TMTC2: variants seen among roughly 807,000 people sequenced by gnomAD.
TMTC2 encodes the protein protein O-mannosyl-transferase TMTC2.
TMTC2 carries 43 observed loss-of-function variants against 82.4 expected under a neutral mutation model. The observed-to-expected ratio is 0.52, with a 90% CI of 0.41 to 0.67. The LOEUF (loss-of-function observed/expected upper bound fraction) is 0.67. Ranked by LOEUF, TMTC2 falls within the 30% of genes least tolerant of loss-of-function variation. The pLI, the probability that TMTC2 is intolerant of heterozygous loss-of-function variation, is 0.00. For synonymous variants in TMTC2, 408 were observed against 381.9 expected, an observed-to-expected ratio of 1.07 and a Z score of -0.80; for missense variants, 919 against 1,012.4, an observed-to-expected ratio of 0.91 and a Z score of 1.25.
intron 11 of TMTC2, among the ~76,000 whole-genome samples, chr12:83,088,469 T>C (rs2137515246): frequency 6.6e-6 from 1 of 152,328 alleles, no homozygotes; most frequent in Non-Finnish European, 1.5e-5. Flanking sequence ...AGCCTAATTA[T>C]TTCCAGCTTT....
intron 1 of TMTC2, among the ~76,000 whole-genome samples, chr12:82,819,497 CTTTTTTTTTT>C (rs766912583): frequency 8.5e-6 from 1 of 118,284 alleles, no homozygotes; most frequent in African/African-American, 3.5e-5. Context: ...TTCTCTCTTT[CTTTTTTTTTT>C]TTTTTTTTTT....
chr12:83,003,815 C>T lies in TMTC2; in HGVS notation c.2070+17769C>T, dbSNP rs376186973. Among the ~76,000 whole-genome samples the T allele has an allele frequency of 2.0e-5, 3 of 151,950 alleles. No individual in the cohort carries two copies. In the East Asian group the frequency reaches 5.8e-4, roughly 29 times the overall value. ...TTTAAGATATTTTCTTTTTCATTGA[C>T]CTTGTAGAACCTGATGACTGTGTCT... is the stretch of plus-strand genomic sequence containing the variant. On this transcript the variant is annotated intron_variant, in intron 8 of 11. Coordinates refer to ENST00000321196, the MANE Select transcript of TMTC2 (RefSeq NM_152588.3).
At chr12:83,091,426 G>A (rs1241583582) in intron 11 of TMTC2, among the ~76,000 whole-genome samples, 1 of 152,030 alleles carries the variant, frequency 6.6e-6, no homozygotes, top group Non-Finnish European at 1.5e-5. Flanking sequence ...CCAAAATTAT[G>A]ATTGGGGAGT....
At chr12:83,006,192 G>A (rs937992029) in intron 8 of TMTC2, among the ~76,000 whole-genome samples, 5 of 152,174 alleles carry the variant, frequency 3.3e-5, no homozygotes, top group East Asian at 1.9e-4. Flanking sequence ...CCTGTAGGTC[G>A]GCCATCCCAT....
chr12:82,820,149 C>T (rs540603229), intron 1 of TMTC2, among the ~76,000 whole-genome samples: 6 of 152,192 alleles, frequency 3.9e-5, no homozygotes, highest in African/African-American at 1.4e-4. Flanking sequence ...TGTTCTTCTG[C>T]CTGCTTTTAT....
At chr12:82,835,377 C>T (rs764313063) in intron 1 of TMTC2, among the ~76,000 whole-genome samples, 1 of 152,168 alleles carries the variant, frequency 6.6e-6, no homozygotes, top group South Asian at 2.1e-4. Context: ...CTCACTGACT[C>T]ATTGACTCTT....
At chr12:83,100,938 T>A (rs1411873992) in intron 11 of TMTC2, among the ~76,000 whole-genome samples, 1 of 152,188 alleles carries the variant, frequency 6.6e-6, no homozygotes, top group Non-Finnish European at 1.5e-5. Context: ...ACACATTTAT[T>A]TATTATTGGG....
intron 6 of TMTC2, 68 bp downstream of exon 6, chr12:82,965,812 C>A (rs765158374): frequency 6.4e-7 from 1 of 1,568,158 alleles, no homozygotes; most frequent in Non-Finnish European, 8.7e-7. Flanking sequence ...GGTTTGTAAC[C>A]TACAGCCTCC....
chr12:83,104,999 C>T (rs1480527727), intron 11 of TMTC2, among the ~76,000 whole-genome samples: 1 of 152,152 alleles, frequency 6.6e-6, no homozygotes, highest in Non-Finnish European at 1.5e-5. Flanking sequence ...ATTTCTTCTG[C>T]CAGATACCCT....
intron 1 of TMTC2, among the ~76,000 whole-genome samples, chr12:82,794,112 C>CCTGTGCAAATGTGATGAT (rs1457438806): frequency 3.3e-5 from 5 of 152,104 alleles, no homozygotes; most frequent in African/African-American, 1.2e-4. Context: ...TCTGTTGATG[C>CCTGTGCAAATGTGATGAT]GTGAGAAGAG....
chr12:82,785,710 T>C (rs1053874222), intron 1 of TMTC2, among the ~76,000 whole-genome samples: 2 of 152,082 alleles, frequency 1.3e-5, no homozygotes, highest in African/African-American at 4.8e-5. Flanking sequence ...AATGGCAGTC[T>C]TTCACTGTCT....
At chr12:83,103,825 A>G (rs553193344) in intron 11 of TMTC2, among the ~76,000 whole-genome samples, 1 of 152,380 alleles carries the variant, frequency 6.6e-6, no homozygotes, top group African/African-American at 2.4e-5. Context: ...GACATAAGTC[A>G]AATCTCTTCC....
intron 11 of TMTC2, among the ~76,000 whole-genome samples, chr12:83,079,964 A>G (rs1344826849): frequency 1.3e-5 from 2 of 152,180 alleles, no homozygotes; most frequent in African/African-American, 4.8e-5. Context: ...GGATGGAATT[A>G]TTTTGCTACC....
At position 82,885,459 on chromosome 12, in the gene TMTC2, T is replaced by C. The variant is rs1371018674; in HGVS notation, c.655-10359T>C. Among the ~76,000 whole-genome samples, 4 of 152,058 alleles carry C rather than the reference T, an allele frequency of 2.6e-5. No individual in the cohort carries two copies. In the East Asian group the frequency reaches 5.8e-4, roughly 22 times the overall value. On this transcript the variant is annotated intron_variant, in intron 2 of 11. Coordinates refer to ENST00000321196, the MANE Select transcript of TMTC2 (RefSeq NM_152588.3). ...ATCAGAGCTCACTGTAGTCTTGATT[T>C]CCTGGGCTCAAGCAATCCTCCTACC...
chr12:82,949,473 C>G (rs939560350), intron 4 of TMTC2, among the ~76,000 whole-genome samples: 23 of 152,088 alleles, frequency 1.5e-4, no homozygotes, highest in African/African-American at 2.4e-5. Flanking sequence ...GGAAAAGTTG[C>G]TTTTTTAAAA....
chr12:83,092,485 G>T (rs185907676), intron 11 of TMTC2, among the ~76,000 whole-genome samples: 1 of 152,294 alleles, frequency 6.6e-6, no homozygotes, highest in East Asian at 1.9e-4. Context: ...TTATGCCCCT[G>T]AATCTAGCCT....
At chr12:83,119,990 A>G (rs1884896082) in intron 11 of TMTC2, among the ~76,000 whole-genome samples, 1 of 152,154 alleles carries the variant, frequency 6.6e-6, no homozygotes, top group Non-Finnish European at 1.5e-5. Context: ...TTTGCGTCAA[A>G]TGTCTTTTTC....
intron 11 of TMTC2, among the ~76,000 whole-genome samples, chr12:83,109,703 G>A: frequency 6.6e-6 from 1 of 152,142 alleles, no homozygotes; most frequent in South Asian, 2.1e-4. Context: ...TAAATTCTAA[G>A]GTCCATCATT....
chr12:83,034,797 C>T (rs1476302015), intron 9 of TMTC2, among the ~76,000 whole-genome samples: 1 of 152,134 alleles, frequency 6.6e-6, no homozygotes, highest in Non-Finnish European at 1.5e-5. Context: ...TAGGAATATC[C>T]TCCATTCTAG....
Sources: gnomAD v4.1 joint callset for allele counts (sites outside exome capture counted in the v4.1 genomes callset) on GRCh38, gnomAD v4.1.1 for gene constraint, MANE v1.5 for transcripts, NCBI Gene and HGNC (gene_info 2026-07-23, HGNC 2026-07-21) for gene names.